The following PLXDC2 variants were observed in gnomAD, a reference collection of about 807,000 sequenced individuals.
PLXDC2 encodes plexin domain containing 2, also known as plexin domain-containing protein 2.
A neutral mutation model predicts 68.9 loss-of-function variants in PLXDC2; 40 were observed. The observed-to-expected ratio is 0.58, with a 90% CI of 0.45 to 0.76. The LOEUF is 0.76. PLXDC2 is among the 30% of genes least tolerant of loss of function. PLXDC2 has a pLI of 0.00. For synonymous variants in PLXDC2, 243 were observed against 234.2 expected, an observed-to-expected ratio of 1.04 and a Z score of -0.34; for missense variants, 644 against 661.9, an observed-to-expected ratio of 0.97 and a Z score of 0.30.
At chr10:20,265,000 C>T (rs1183099397) in intron 13 of PLXDC2, among the ~76,000 whole-genome samples, 1 of 152,016 alleles carries the variant, frequency 6.6e-6, no homozygotes, top group Non-Finnish European at 1.5e-5. Context: ...AAGTTTTGTG[C>T]ACTTAGATAA....
intron 12 of PLXDC2, among the ~76,000 whole-genome samples, chr10:20,222,105 C>T (rs1835220076): frequency 6.6e-6 from 1 of 152,110 alleles, no homozygotes; most frequent in Middle Eastern, 3.2e-3. Context: ...ATTTAGGGGC[C>T]TGTACTTTTC....
chr10:20,084,992 T>A (rs919358621), intron 4 of PLXDC2, among the ~76,000 whole-genome samples: 1 of 152,262 alleles, frequency 6.6e-6, no homozygotes, highest in East Asian at 1.9e-4. Flanking sequence ...GTCTTTCCTA[T>A]GCAATAAATA....
chr10:20,074,918 G>C (rs1271211904), intron 4 of PLXDC2, among the ~76,000 whole-genome samples: 1 of 152,088 alleles, frequency 6.6e-6, no homozygotes. Flanking sequence ...GGAGATCTAT[G>C]TGTTATGGAA....
chr10:20,186,651 T>C (rs1173946635), intron 9 of PLXDC2, among the ~76,000 whole-genome samples: 2 of 152,020 alleles, frequency 1.3e-5, no homozygotes, highest in African/African-American at 4.8e-5. Flanking sequence ...CATTTATAAA[T>C]GAAAACATGC....
intron 4 of PLXDC2, among the ~76,000 whole-genome samples, chr10:20,123,892 G>T (rs1362501618): frequency 4.0e-5 from 6 of 151,892 alleles, no homozygotes; most frequent in African/African-American, 1.5e-4. Context: ...AGAGCTTGGG[G>T]CACGGAAATA....
At chr10:20,077,547 A>T (rs1023008729) in intron 4 of PLXDC2, among the ~76,000 whole-genome samples, 2 of 152,120 alleles carry the variant, frequency 1.3e-5, no homozygotes, top group Admixed American at 6.5e-5. Flanking sequence ...CTACAGAGAG[A>T]TTTTCATTTA....
intron 1 of PLXDC2, among the ~76,000 whole-genome samples, chr10:19,937,857 G>T (rs1833754175): frequency 6.6e-6 from 1 of 151,964 alleles, no homozygotes; most frequent in Admixed American, 6.6e-5. Context: ...TCCAGTCCTT[G>T]GTCACTATCC....
chr10:20,098,343 G>A (rs537120297), intron 4 of PLXDC2, among the ~76,000 whole-genome samples: 132 of 132,988 alleles, frequency 9.9e-4, no homozygotes, highest in Admixed American at 3.6e-3. Flanking sequence ...CGTCATTTTC[G>A]TGCGTGTGTG....
intron 1 of PLXDC2, among the ~76,000 whole-genome samples, chr10:19,915,514 A>G (rs1294635996): frequency 6.6e-6 from 1 of 152,224 alleles, no homozygotes; most frequent in Non-Finnish European, 1.5e-5. Context: ...TTAAAAAATC[A>G]TGAGAAAATG....
chr10:19,929,247 C>T (rs377622170), intron 1 of PLXDC2, among the ~76,000 whole-genome samples: 1 of 151,746 alleles, frequency 6.6e-6, no homozygotes, highest in Admixed American at 6.6e-5. Context: ...ACAACAACAA[C>T]GAAAAGAACC....
rs922380787 is a variant in PLXDC2 at position 20,235,685 on chromosome 10, G to C, written c.1313-9660G>C. On this transcript the variant is annotated intron_variant, in intron 12 of 13. Transcript: ENST00000377252. ...ATGTTAGTCAGGTGGTTTAGACACAGATCTGTCTTTCTACACTGATAAGAA... is the reference window on the plus strand; with the variant it reads ...ATGTTAGTCAGGTGGTTTAGACACACATCTGTCTTTCTACACTGATAAGAA... Among the ~76,000 whole-genome samples, 3 of 152,190 alleles carry C rather than the reference G, an allele frequency of 2.0e-5. No individual in the cohort carries two copies. The South Asian group carries it at 6.2e-4, about 32-fold the overall frequency.
chr10:20,040,358 A>G (rs1835662241), intron 2 of PLXDC2, among the ~76,000 whole-genome samples: 1 of 151,954 alleles, frequency 6.6e-6, no homozygotes, highest in South Asian at 2.1e-4. Flanking sequence ...TTACCTTTTG[A>G]TGTTGGAGGG....
chr10:20,160,321 C>T (rs1834274191), intron 6 of PLXDC2, among the ~76,000 whole-genome samples: 1 of 151,980 alleles, frequency 6.6e-6, no homozygotes, highest in South Asian at 2.1e-4. Context: ...AAATCATTAA[C>T]CCATGAATAT....
intron 4 of PLXDC2, among the ~76,000 whole-genome samples, chr10:20,111,420 A>T (rs577005655): frequency 3.3e-5 from 5 of 152,342 alleles, no homozygotes; most frequent in African/African-American, 1.2e-4. Context: ...GACACTTTTT[A>T]AATTTGGATT....
intron 1 of PLXDC2, among the ~76,000 whole-genome samples, chr10:19,836,043 G>A (rs1836785783): frequency 6.6e-6 from 1 of 151,948 alleles, no homozygotes; most frequent in Admixed American, 6.6e-5. Context: ...AGGATGTGGT[G>A]GTGCACATCT....
chr10:20,135,769 G>C (rs559070646), intron 4 of PLXDC2, among the ~76,000 whole-genome samples: 1 of 152,056 alleles, frequency 6.6e-6, no homozygotes, highest in Non-Finnish European at 1.5e-5. Flanking sequence ...GAATGGTTTC[G>C]TTGTGGTTTA....
chr10:20,017,953 G>A (rs1835241368), intron 2 of PLXDC2, among the ~76,000 whole-genome samples: 2 of 152,228 alleles, frequency 1.3e-5, no homozygotes, highest in South Asian at 4.1e-4. Flanking sequence ...TAAGGAGAAT[G>A]CCCAGCCTAA....
At position 20,162,042 on chromosome 10, in the gene PLXDC2, A is replaced by AAGAG. The variant is rs139175193; in HGVS notation, c.784-2398_784-2395dup. The stretch of plus-strand genomic sequence containing the variant: ...TGTCAGAAAAAGAAAGAAAGAAAGA[A>AAGAG]AGAGAGAGAGAGAGAGAGAGAGAGA... On this transcript the variant is annotated intron_variant, in intron 6 of 13. Transcript: ENST00000377252. Among the ~76,000 whole-genome samples the AAGAG allele has an allele frequency of 1.1e-4, 8 of 72,422 alleles. No individual in the cohort carries two copies. The South Asian group carries it at 1.5e-3, about 13-fold the overall frequency. 47.5% of individuals were successfully genotyped at this position (72,422 alleles called of 152,430 possible).
intron 1 of PLXDC2, among the ~76,000 whole-genome samples, chr10:19,994,403 A>G (rs1834808470): frequency 1.5e-5 from 2 of 137,052 alleles, no homozygotes. Context: ...ATCATGGCTC[A>G]CTGCAGCCTT....
Sources: allele counts gnomAD v4.1 joint callset (sites outside exome capture counted in the v4.1 genomes callset), GRCh38; gene constraint gnomAD v4.1.1; transcripts MANE v1.5; gene names NCBI Gene and HGNC (gene_info 2026-07-23, HGNC 2026-07-21).